HPX: variants seen among roughly 807,000 people sequenced by gnomAD.
The protein encoded by HPX is hemopexin, also known as beta-1B-glycoprotein.
A neutral mutation model predicts 53.8 loss-of-function variants in HPX; 42 were observed. The observed-to-expected ratio is 0.78, with a 90% CI of 0.61 to 1.01. The LOEUF (loss-of-function observed/expected upper bound fraction) is 1.01, where lower values mean the gene tolerates loss of function less well. Ranked by LOEUF, HPX falls within the 50% of genes least tolerant of loss-of-function variation. HPX has a pLI of 0.00. For missense variants in HPX, 547 were observed against 594.3 expected, an observed-to-expected ratio of 0.92 and a Z score of 0.83; for synonymous variants, 229 against 221.1, an observed-to-expected ratio of 1.04 and a Z score of -0.32.
At chr11:6,439,245 C>T (rs1250054948) in intron 4 of HPX, among the ~76,000 whole-genome samples, 2 of 152,162 alleles carry the variant, frequency 1.3e-5, no homozygotes, top group Non-Finnish European at 2.9e-5. Context: ...GTATGGCTGG[C>T]ACACAGTGAA....
chr11:6,432,309 A>G (rs1849361763), intron 7 of HPX: 1 of 449,878 alleles, frequency 2.2e-6, no homozygotes, highest in East Asian at 4.3e-5. Flanking sequence ...CTCCCTAAGG[A>G]TTTCAGGTGT....
Position 6,437,515 on chromosome 11 carries a change from C to G in HPX, c.628G>C (p.Asp210His), listed in dbSNP as rs202185840. The change falls in exon 6 of 10, where the codon GAC becomes CAC. Residue 210 changes from aspartate to histidine, a missense_variant. Coordinates refer to ENST00000265983, the MANE Select transcript of HPX (RefSeq NM_000613.3). ...GGAGGCACCTCTCCCCTGACAGGGT[C>G]GAAGCGCAGGAATTGGTTACCCTGG... Reference protein sequence around the residue: ...CFQGNQFLRFDPVRGEVPPRY... With the variant: ...CFQGNQFLRFHPVRGEVPPRY... The G allele has an allele frequency of 6.2e-7, 1 of 1,614,184 alleles. No individual in the cohort carries two copies. Among genetic ancestry groups the G allele is most frequent in the Non-Finnish European group, 8.5e-7 (1 of 1,180,030 alleles).
At chr11:6,440,000 G>A (rs139229182) in intron 4 of HPX, 165 bp downstream of exon 4, 275 of 809,600 alleles carry the variant, frequency 3.4e-4, no homozygotes, top group Non-Finnish European at 5.1e-4. Flanking sequence ...AGGCCCACAC[G>A]CATGCACACT....
In HPX at chr11:6,431,688, T is replaced by A. The variant is rs1406306230; in HGVS notation, c.1082A>T (p.Asp361Val). The A allele has an allele frequency of 6.2e-7, 1 of 1,614,106 alleles. No homozygotes were observed. Among genetic ancestry groups the A allele is most frequent in the East Asian group, 2.2e-5 (1 of 44,882 alleles). Residue 361 changes from aspartate (D) to valine (V), a missense_variant, in exon 9 of 10, where the codon GAT (aspartate) becomes GTT (valine). Coordinates refer to ENST00000265983, the MANE Select transcript of HPX (RefSeq NM_000613.3). Reference protein sequence around the residue: ...TPHGIILDSVDAAFICPGSSR... With the variant: ...TPHGIILDSVVAAFICPGSSR... ...AGACCCAGGGCAGATAAAGGCCGCATCCACAGAGTCCAGGATAATCCCATG... is the reference window on the plus strand; with the variant it reads ...AGACCCAGGGCAGATAAAGGCCGCAACCACAGAGTCCAGGATAATCCCATG...
Position 6,437,537 on chromosome 11 carries a change from C to T in HPX, c.606G>A (p.Gln202=), listed in dbSNP as rs780330516. The change falls in exon 6 of 10, where the codon CAG becomes CAA. Residue 202 remains glutamine, a synonymous_variant. Coordinates refer to ENST00000265983, the MANE Select transcript of HPX (RefSeq NM_000613.3). ...GGTCGAAGCGCAGGAATTGGTTACC[C>T]TGGAAGCAGTAGTAGCGGCCCAGCC... The part of the protein sequence containing the change: ...LRWLGRYYCF[Q]GNQFLRFDPV... 2 of 1,614,084 alleles carry T rather than the reference C, an allele frequency of 1.2e-6. No individual in the cohort carries two copies. The highest frequency in any genetic ancestry group is 2.2e-5 in the South Asian group (2 of 91,082).
At position 6,431,065 on chromosome 11, in the gene HPX, A is replaced by G. The variant is rs1849339536; in HGVS notation, c.*146T>C. On this transcript the variant is annotated 3_prime_UTR_variant, in exon 10 of 10. Coordinates refer to ENST00000265983, the MANE Select transcript of HPX (RefSeq NM_000613.3). ...GTCCCTTGATTCAAGTGAAGAAGCA[A>G]TCTGTCTTTATTATGAGAAACTGGG... is the stretch of plus-strand genomic sequence containing the variant. The G allele has an allele frequency of 2.8e-6, 3 of 1,060,036 alleles. No homozygotes were observed. Among genetic ancestry groups the G allele is most frequent in the South Asian group, 3.4e-5 (2 of 59,058 alleles). 65.7% of individuals were successfully genotyped at this position (1,060,036 alleles called of 1,614,324 possible).
At chr11:6,432,382 C>T in intron 7 of HPX, 1 of 214,934 alleles carries the variant, frequency 4.7e-6, no homozygotes, top group Non-Finnish European at 9.4e-6. Context: ...AAAGGAAGCA[C>T]CACTTCTACT....
Position 6,437,439 on chromosome 11 carries a change from C to T in HPX, c.703+1G>A, listed in dbSNP as rs567913156. On this transcript the variant is annotated splice_donor_variant, in intron 6 of 9. Transcript: ENST00000265983. LOFTEE classifies it high-confidence loss of function. ...GGTCTCAAGTGCTAGGGCTTTCTCA[C>T]CTCTGCCAGGGCAGGGCATGAAGTA... 1.2e-6 allele frequency: 2 copies of T among 1,612,722 alleles called. No homozygotes were observed. Among genetic ancestry groups the T allele is most frequent in the Non-Finnish European group, 1.7e-6 (2 of 1,179,542 alleles).
At chr11:6,436,560 C>T (rs1849419698) in intron 7 of HPX, among the ~76,000 whole-genome samples, 1 of 152,236 alleles carries the variant, frequency 6.6e-6, no homozygotes, top group Admixed American at 6.5e-5. Flanking sequence ...GCAATGAGAA[C>T]ATCTCATCCC....
At chr11:6,440,597 A>G (rs1324614538) in intron 2 of HPX, 59 bp from the exon 3 acceptor site, 1 of 1,275,450 alleles carries the variant, frequency 7.8e-7, no homozygotes, top group African/African-American at 1.6e-5. Flanking sequence ...AAAAAAAAAA[A>G]AAAAAACCAG....
chr11:6,440,327 C>A (rs771245841), intron 3 of HPX, 41 bp from the exon 4 acceptor site: 19 of 1,611,948 alleles, frequency 1.2e-5, no homozygotes, highest in Admixed American at 1.7e-5. Flanking sequence ...AGTGAGAAAC[C>A]TTTGACCTAC....
Position 6,437,158 on chromosome 11 carries a change from C to G in HPX, c.723G>C (p.Gly241=), listed in dbSNP as rs751013946. The G allele has an allele frequency of 3.1e-6, 5 of 1,613,744 alleles. No homozygotes were observed. The highest frequency in any genetic ancestry group is 4.2e-6 in the Non-Finnish European group (5 of 1,179,884). Residue 241 remains glycine (G), a synonymous_variant, in exon 7 of 10, where the codon GGG becomes GGC. Transcript: ENST00000265983. ...GGTGGGTACTGTTCCCATGGCCAGT[C>G]CCATTCCTGTGTCCATGGCCTGGAG... ...CPGRGHGHRN[G]TGHGNSTHHG...
rs566754941 is a variant in HPX, at chr11:6,434,173, CA to C, written c.836-2157del. Among the ~76,000 whole-genome samples the C allele has an allele frequency of 1.6e-4, 24 of 152,248 alleles. 1 individual carries two copies. The South Asian group carries it at 5.0e-3, about 32-fold the overall frequency. ...CAATGCCCACTTCTTATCAGATGCT[CA>C]ACAAATATTTGTTGAGTAAATACCT... On this transcript the variant is annotated intron_variant, in intron 7 of 9. Coordinates refer to ENST00000265983, the MANE Select transcript of HPX (RefSeq NM_000613.3).
intron 7 of HPX, among the ~76,000 whole-genome samples, chr11:6,433,255 C>CA (rs1394587718): frequency 4.6e-5 from 7 of 152,224 alleles, no homozygotes; most frequent in Non-Finnish European, 8.8e-5. Context: ...CGGCTCACTG[C>CA]AACATTCACC....
intron 9 of HPX, 22 bp downstream of exon 9, chr11:6,431,619 T>G (rs575626391): frequency 6.2e-7 from 1 of 1,612,398 alleles, no homozygotes; most frequent in East Asian, 2.2e-5. Flanking sequence ...AGCTGCCCTC[T>G]AAGCACCCAG....
At position 6,440,253 on chromosome 11, in the gene HPX, C is replaced by T. The variant is rs562252483; in HGVS notation, c.248G>A (p.Arg83Gln). 1.5e-5 allele frequency: 25 copies of T among 1,614,006 alleles called. No individual in the cohort carries two copies. The highest frequency in any genetic ancestry group is 1.7e-4 in the Middle Eastern group (1 of 6,058). Residue 83 changes from arginine (R) to glutamine (Q), a missense_variant, in exon 4 of 10, where the codon CGG (arginine) becomes CAG (glutamine). By Grantham distance (43) the Arg-to-Gln change is conservative (BLOSUM62 1). Coordinates refer to ENST00000265983, the MANE Select transcript of HPX (RefSeq NM_000613.3). ...CTTCCATCTCTCTGAGATTAACTCC[C>T]GGTCCCATTTGTGACTCTTCCACAC... ...EFVWKSHKWD[R>Q]ELISERWKNF...
intron 7 of HPX, chr11:6,432,340 A>T: frequency 5.9e-6 from 2 of 338,136 alleles, no homozygotes; most frequent in Non-Finnish European, 1.1e-5. Context: ...AGATGCGGTT[A>T]TAGATAATGA....
At position 6,440,295 on chromosome 11, in the gene HPX, AC is replaced by A; in HGVS notation, c.215-10del. ...CTTCCACACAAACTCCCCTGAAAAA[AC>A]CCACACTCACTGAGGGGCCCAGTGA... On this transcript the variant is annotated splice_polypyrimidine_tract_variant and intron_variant, in intron 3 of 9. Transcript: ENST00000265983. The A allele has an allele frequency of 1.2e-6, 2 of 1,613,520 alleles. No homozygotes were observed. Among genetic ancestry groups the A allele is most frequent in the Non-Finnish European group, 8.5e-7 (1 of 1,179,926 alleles).
In HPX at chr11:6,431,945, TGG is replaced by T. The variant is rs1240828136; in HGVS notation, c.906_907del (p.Gln303GlyfsTer98). 7.4e-6 allele frequency: 12 copies of T among 1,614,196 alleles called. No individual in the cohort carries two copies. The highest frequency in any genetic ancestry group is 9.3e-6 in the Non-Finnish European group (11 of 1,180,032). The stretch of plus-strand genomic sequence containing the variant: ...GGCAGCATCCACTGCTGAAGGACCC[TGG>T]GGCCACTGATGAGCAATGGGCCAGC... On this transcript the variant is annotated frameshift_variant, in exon 8 of 10. Coordinates refer to ENST00000265983, the MANE Select transcript of HPX (RefSeq NM_000613.3). LOFTEE classifies it high-confidence loss of function.
Sources: allele counts gnomAD v4.1 joint callset (sites outside exome capture counted in the v4.1 genomes callset), GRCh38; gene constraint gnomAD v4.1.1; transcripts MANE v1.5; gene names NCBI Gene and HGNC (gene_info 2026-07-23, HGNC 2026-07-21).